TSPOAP1: variants seen among roughly 807,000 people sequenced by gnomAD.
The protein encoded by TSPOAP1 is TSPO associated protein 1.
TSPOAP1 carries 87 observed loss-of-function variants against 197.0 expected under a neutral mutation model. That is an observed-to-expected ratio of 0.44 (90% CI 0.37 to 0.53). The LOEUF is 0.53. TSPOAP1 is among the 20% of genes least tolerant of loss of function. The pLI is 0.00. For synonymous variants in TSPOAP1, 913 were observed against 998.9 expected (o/e 0.91, Z 1.62); for missense variants, 2,174 against 2,411.3 (o/e 0.90, Z 2.06).
At position 58,311,646 on chromosome 17, in the gene TSPOAP1, T is replaced by G; in HGVS notation, c.3006A>C (p.Pro1002=). The G allele has an allele frequency of 6.2e-7, 1 of 1,611,340 alleles. No individual in the cohort carries two copies. Among genetic ancestry groups the G allele is most frequent in the Non-Finnish European group, 8.5e-7 (1 of 1,178,236 alleles). ...ATGTGCCAGCAGCATCGATGGTGAC[T>G]GGGAGCCAACTGATGATCAAGATCC... ...SPGILIISWL[P]VTIDAAGTSN... is the part of the protein sequence containing the mutation. Residue 1002 remains proline, a synonymous_variant, in exon 18 of 32, where the codon CCA becomes CCC. Coordinates refer to ENST00000343736, the MANE Select transcript of TSPOAP1 (RefSeq NM_004758.4).
At chr17:58,325,874 C>T in intron 3 of TSPOAP1, 161 bp from the exon 4 acceptor site, 1 of 724,302 alleles carries the variant, frequency 1.4e-6, no homozygotes, top group Non-Finnish European at 2.2e-6. Context: ...CTCACTCTAC[C>T]CCATCCCAGC....
Position 58,304,997 on chromosome 17 carries a change from G to A in TSPOAP1, c.5544+64C>T. ...GCACCCCTGCCGCAACACTGCCCTGGCCCTACCACCCCACCAGTAGGGTAG... is the reference window on the plus strand; with the variant it reads ...GCACCCCTGCCGCAACACTGCCCTGACCCTACCACCCCACCAGTAGGGTAG... On this transcript the variant is annotated intron_variant, in intron 30 of 31. Transcript: ENST00000343736. This position sits in a 1 kb window ranked among gnomAD's most constrained non-coding sequence, Gnocchi z 4.2. 1.6e-6 allele frequency: 2 copies of A among 1,262,590 alleles called. No homozygotes were observed. The highest frequency in any genetic ancestry group is 2.3e-6 in the Non-Finnish European group (2 of 859,318). 78.2% of individuals were successfully genotyped at this position (1,262,590 alleles called of 1,614,324 possible).
intron 13 of TSPOAP1, among the ~76,000 whole-genome samples, chr17:58,318,749 G>A (rs1051321820): frequency 6.6e-6 from 1 of 152,064 alleles, no homozygotes; most frequent in South Asian, 2.1e-4. Context: ...TGTCAAGTGA[G>A]TGGAGCTGGG....
intron 10 of TSPOAP1, among the ~76,000 whole-genome samples, chr17:58,321,646 T>C (rs1315111046): frequency 2.0e-5 from 3 of 152,112 alleles, no homozygotes; most frequent in Admixed American, 1.3e-4. Flanking sequence ...CCCAGGCACT[T>C]GTCTCCCGTT....
At chr17:58,314,019 A>G (rs1254713982) in intron 16 of TSPOAP1, among the ~76,000 whole-genome samples, 2 of 152,212 alleles carry the variant, frequency 1.3e-5, no homozygotes, top group African/African-American at 4.8e-5. Flanking sequence ...TAAAGAAGAA[A>G]AAAAGGTCTC....
intron 27 of TSPOAP1, 84 bp downstream of exon 27, chr17:58,305,749 A>G: frequency 3.2e-6 from 5 of 1,539,336 alleles, no homozygotes; most frequent in Non-Finnish European, 4.5e-6. Context: ...CCTCCCCACT[A>G]GCTGTAGCCA....
At chr17:58,311,440 A>T in intron 18 of TSPOAP1, 131 bp downstream of exon 18, 1 of 1,354,200 alleles carries the variant, frequency 7.4e-7, no homozygotes, top group Non-Finnish European at 1.0e-6. Flanking sequence ...CCATGCTCTT[A>T]ACCCATCTGC....
At chr17:58,308,014 G>T in intron 22 of TSPOAP1, 73 bp from the exon 23 acceptor site, 1 of 1,408,130 alleles carries the variant, frequency 7.1e-7, no homozygotes, top group Non-Finnish European at 9.7e-7. Flanking sequence ...CCCCAGCTCT[G>T]CCCCATCAGC....
At chr17:58,316,861 G>C (rs1252379934) in intron 14 of TSPOAP1, among the ~76,000 whole-genome samples, 1 of 152,230 alleles carries the variant, frequency 6.6e-6, no homozygotes, top group Non-Finnish European at 1.5e-5. Flanking sequence ...GGTGTGGGGA[G>C]TGGGTGTCAA....
intron 31 of TSPOAP1, chr17:58,303,210 G>A (rs1970770856): frequency 6.6e-6 from 1 of 152,640 alleles, no homozygotes; most frequent in Non-Finnish European, 1.5e-5. Context: ...GAACAGAGAA[G>A]CCACCAGAAA....
rs978180795 is a variant in TSPOAP1 at position 58,307,043 on chromosome 17, C to T, written c.4984-75G>A. ...CCTAGGCCCCGAACCCCAGCAACAC[C>T]CCACTTGGAAATGCAGAAGAATGTT... On this transcript the variant is annotated intron_variant, in intron 24 of 31. Coordinates refer to ENST00000343736, the MANE Select transcript of TSPOAP1 (RefSeq NM_004758.4). 3 of 1,472,720 alleles carry T rather than the reference C, an allele frequency of 2.0e-6. 1 individual carries two copies. The South Asian group carries it at 3.6e-5, about 18-fold the overall frequency. 91.2% of individuals were successfully genotyped at this position (1,472,720 alleles called of 1,614,324 possible).
Position 58,327,726 on chromosome 17 carries a change from T to C in TSPOAP1, c.195A>G (p.Gly65=). The C allele has an allele frequency of 6.2e-7, 1 of 1,614,148 alleles. No individual in the cohort carries two copies. The highest frequency in any genetic ancestry group is 8.5e-7 in the Non-Finnish European group (1 of 1,180,028). ...LRSEESSKPK[G]DGSSRPVGGT... ...CCCCCACGGGCCTGGAGCTCCCGTC[T>C]CCTTTGGGCTTGGAACTCTCCTCAG... The change falls in exon 1 of 32, where the codon GGA becomes GGG. Residue 65 remains glycine (G), a synonymous_variant. Coordinates refer to ENST00000343736, the MANE Select transcript of TSPOAP1 (RefSeq NM_004758.4).
At position 58,316,036 on chromosome 17, in the gene TSPOAP1, A is replaced by G. The variant is rs778961206; in HGVS notation, c.2085T>C (p.Asp695=). The change falls in exon 16 of 32, where the codon GAT becomes GAC. Residue 695 remains aspartate (D), a synonymous_variant. Coordinates refer to ENST00000343736, the MANE Select transcript of TSPOAP1 (RefSeq NM_004758.4). ...CTACATTCCTACCTTCAAAAAAGCCATCCTCATCCATGTTGCCATAGATGT... is the reference window on the plus strand; with the variant it reads ...CTACATTCCTACCTTCAAAAAAGCCGTCCTCATCCATGTTGCCATAGATGT... The part of the protein sequence containing the change: ...YIYIYGNMDE[D]GFFEGELMDG... 2 of 1,612,790 alleles carry G rather than the reference A, an allele frequency of 1.2e-6. No individual in the cohort carries two copies. Among genetic ancestry groups the G allele is most frequent in the East Asian group, 4.5e-5 (2 of 44,854 alleles).
rs373925511 is a variant in TSPOAP1, at chr17:58,318,261, G to T, written c.1872+19C>A. The T allele has an allele frequency of 1.8e-5, 29 of 1,613,080 alleles. No homozygotes were observed. In the African/African-American group the frequency reaches 3.7e-4, roughly 21 times the overall value. ...CCCCAAGCCAAAGCCAGAACTTCAGGCCCCACCCCAGCAATTACCTCAGGT... is the reference window on the plus strand; with the variant it reads ...CCCCAAGCCAAAGCCAGAACTTCAGTCCCCACCCCAGCAATTACCTCAGGT... On this transcript the variant is annotated intron_variant, in intron 14 of 31. Coordinates refer to ENST00000343736, the MANE Select transcript of TSPOAP1 (RefSeq NM_004758.4).
rs201559671 is a variant in TSPOAP1 at position 58,305,399 on chromosome 17, G to A, written c.5421C>T (p.Asp1807=). 7.6e-5 allele frequency: 123 copies of A among 1,613,938 alleles called. No individual in the cohort carries two copies. In the East Asian group the frequency reaches 1.1e-3, roughly 15 times the overall value. Residue 1807 remains aspartate (D), a synonymous_variant, in exon 29 of 32, where the codon GAC becomes GAT. Transcript: ENST00000343736. ...ACAATGTTCTCACATAGTAGAAACC[G>A]TCATCGTCCATGCCCCCAAACACAG... is the stretch of plus-strand genomic sequence containing the variant. ...VITVFGGMDD[D]GFYYGELNGQ... is the part of the protein sequence containing the mutation.
At chr17:58,305,313 G>A (rs771211083) in intron 29 of TSPOAP1, 74 bp downstream of exon 29, 6 of 1,571,998 alleles carry the variant, frequency 3.8e-6, no homozygotes, top group South Asian at 1.1e-5. Context: ...ACTTCCTGAG[G>A]GTTCCTTGCC....
intron 14 of TSPOAP1, 76 bp downstream of exon 14, chr17:58,318,204 G>T: frequency 6.5e-7 from 1 of 1,536,042 alleles, no homozygotes; most frequent in East Asian, 2.3e-5. Context: ...GGGGACCCCA[G>T]AAGAGGTCAG....
At chr17:58,316,400 G>T (rs1234289391) in intron 15 of TSPOAP1, 25 bp downstream of exon 15, 4 of 1,587,070 alleles carry the variant, frequency 2.5e-6, no homozygotes, top group East Asian at 4.5e-5. Flanking sequence ...GCTGGGCTAG[G>T]GGGCAGTGAG....
At chr17:58,311,339 A>T in intron 18 of TSPOAP1, 126 bp from the exon 19 acceptor site, 1 of 1,387,514 alleles carries the variant, frequency 7.2e-7, no homozygotes, top group South Asian at 1.3e-5. Flanking sequence ...TACTGTGCTA[A>T]GCCCTCTGCA....
Sources: allele counts gnomAD v4.1 joint callset (sites outside exome capture counted in the v4.1 genomes callset), GRCh38; gene constraint gnomAD v4.1.1; non-coding constraint Gnocchi (gnomAD v3.1); transcripts MANE v1.5; gene names NCBI Gene and HGNC (gene_info 2026-07-23, HGNC 2026-07-21).